MICAL2: variants seen among roughly 807,000 people sequenced by gnomAD.
MICAL2 encodes [F-actin]-monooxygenase MICAL2.
A neutral mutation model predicts 127.3 loss-of-function variants in MICAL2; 77 were observed. That is an observed-to-expected ratio of 0.60 (90% CI 0.50 to 0.73). The LOEUF is 0.73. Ranked by LOEUF, MICAL2 falls within the 30% of genes least tolerant of loss-of-function variation. The pLI is 0.00. For synonymous variants in MICAL2, 570 were observed against 551.1 expected, an observed-to-expected ratio of 1.03 and a Z score of -0.48; for missense variants, 1,351 against 1,434.4, an observed-to-expected ratio of 0.94 and a Z score of 0.94.
In MICAL2 at chr11:12,255,708, G is replaced by A; in HGVS notation, c.2913G>A (p.Met971Ile). The change falls in exon 23 of 28, where the codon ATG becomes ATA. Residue 971 changes from methionine to isoleucine, a missense_variant. Physicochemically the swap from Met to Ile is conservative, Grantham distance 10. Transcript: ENST00000683283. Reference protein sequence around the residue: ...AAAEVLVNLYMNDHRPKAQAT... With the variant: ...AAAEVLVNLYINDHRPKAQAT... ...CTGAAGTCCTGGTCAATCTGTACAT[G>A]AATGATCACAGACCTAAGGCCCAGG... 1 of 1,614,108 alleles carries A rather than the reference G, an allele frequency of 6.2e-7. No individual in the cohort carries two copies.
chr11:12,198,267 G>T (rs1317316229), intron 3 of MICAL2, among the ~76,000 whole-genome samples: 2 of 152,218 alleles, frequency 1.3e-5, no homozygotes, highest in South Asian at 4.1e-4. Context: ...GCCTAATTCA[G>T]GGTTACTGTA....
At chr11:12,189,280 C>T (rs1027483940) in intron 3 of MICAL2, among the ~76,000 whole-genome samples, 1 of 152,172 alleles carries the variant, frequency 6.6e-6, no homozygotes, top group Non-Finnish European at 1.5e-5. Flanking sequence ...TTCTCTTGCT[C>T]AGGAACCTTG....
rs144051996 is a variant in MICAL2, at chr11:12,173,506, A to C, written c.264+11087A>C. 2.6e-3 allele frequency among the ~76,000 whole-genome samples: 401 copies of C among 152,344 alleles called. 1 individual carries two copies. The highest frequency in any genetic ancestry group is 4.0e-3 in the Non-Finnish European group (270 of 68,038). On this transcript the variant is annotated intron_variant, in intron 3 of 27. Transcript: ENST00000683283. ...CTTGCATTTACTCTTTGCCCCTGGC[A>C]TTCCCAATGTGTCTTTTTAAATTGT...
chr11:12,349,859 C>G, exon 33 of MICAL2: 1 of 1,614,088 alleles, frequency 6.2e-7, no homozygotes, highest in Non-Finnish European at 8.5e-7. Flanking sequence ...CAGGATGAAG[C>G]ACAGCTTTTG....
upstream of MICAL2, among the ~76,000 whole-genome samples, chr11:12,274,070 C>T (rs1254515582): frequency 4.6e-5 from 7 of 152,036 alleles, no homozygotes; most frequent in African/African-American, 7.2e-5. Flanking sequence ...TTTCTTAAGA[C>T]AGGAGACTTT....
chr11:12,224,173 C>G (rs1246660021), intron 12 of MICAL2, among the ~76,000 whole-genome samples: 1 of 152,224 alleles, frequency 6.6e-6, no homozygotes, highest in South Asian at 2.1e-4. Flanking sequence ...AGCCACCACA[C>G]AGTCCTTTCT....
At chr11:12,255,959 C>T (rs1036300269) in intron 23 of MICAL2, 4 of 511,030 alleles carry the variant, frequency 7.8e-6, no homozygotes, top group Non-Finnish European at 1.4e-5. Flanking sequence ...CCCCTGTGGT[C>T]TTTTTGAAAA....
At chr11:12,197,967 G>C (rs1166664844) in intron 3 of MICAL2, among the ~76,000 whole-genome samples, 1 of 152,214 alleles carries the variant, frequency 6.6e-6, no homozygotes, top group Non-Finnish European at 1.5e-5. Flanking sequence ...TAAGTGGTGT[G>C]TAATTGTTAC....
chr11:12,232,595 A>C (rs1410394911), intron 15 of MICAL2, among the ~76,000 whole-genome samples: 2 of 152,088 alleles, frequency 1.3e-5, no homozygotes, highest in African/African-American at 4.8e-5. Context: ...GGTGGTGCAC[A>C]CCAGTAGTCC....
At position 12,241,146 on chromosome 11, in the gene MICAL2, C is replaced by G; in HGVS notation, c.2321C>G (p.Pro774Arg). 1.2e-6 allele frequency: 2 copies of G among 1,613,978 alleles called. No individual in the cohort carries two copies. The highest frequency in any genetic ancestry group is 2.2e-5 in the East Asian group (1 of 44,872). ...KPEEATPSPS[P>R]PLKRQFPSVV... ...GAGGAGGCCACACCCAGCCCATCAC[C>G]TCCTCTGAAAAGGCAGGTAGGGCTC... The change falls in exon 18 of 28, where the codon CCT becomes CGT. Residue 774 changes from proline to arginine, a missense_variant. Pro to Arg is a moderately radical substitution (Grantham distance 103, BLOSUM62 -2). Around this residue, in one of 2 missense-constraint regions of MICAL2, gnomAD observed 752 missense variants for 719.4 expected, o/e 1.05. Coordinates refer to ENST00000683283, the MANE Select transcript of MICAL2 (RefSeq NM_001282663.2).
chr11:12,123,121 G>T (rs1434135782), intron 1 of MICAL2, among the ~76,000 whole-genome samples: 1 of 152,084 alleles, frequency 6.6e-6, no homozygotes, highest in African/African-American at 2.4e-5. Flanking sequence ...GAAAGAAAAA[G>T]AGCTGCCAAT....
chr11:12,281,129 T>G, intron 2 of MICAL2: 1 of 396,436 alleles, frequency 2.5e-6, no homozygotes, highest in Non-Finnish European at 4.4e-6. Context: ...GGCTTGATTC[T>G]GGGAAGTGGG....
chr11:12,238,898 G>C (rs1859479090), intron 16 of MICAL2, among the ~76,000 whole-genome samples: 1 of 152,128 alleles, frequency 6.6e-6, no homozygotes, highest in African/African-American at 2.4e-5. Context: ...AGCAAAAATA[G>C]AGCAGGGCTG....
intron 29 of MICAL2, among the ~76,000 whole-genome samples, chr11:12,299,166 G>T (rs1404805525): frequency 6.6e-6 from 1 of 152,204 alleles, no homozygotes; most frequent in Non-Finnish European, 1.5e-5. Context: ...AGTAGTGCCT[G>T]CACCTATTTC....
At chr11:12,259,723 G>T (rs1862842148) in intron 25 of MICAL2, 72 bp from the exon 26 acceptor site, 4 of 1,355,934 alleles carry the variant, frequency 3.0e-6, no homozygotes, top group African/African-American at 1.5e-5. Context: ...GTTTGTATTG[G>T]CTGTTGGCTT....
At chr11:12,137,596 A>T (rs1189669609) in intron 1 of MICAL2, among the ~76,000 whole-genome samples, 3 of 151,392 alleles carry the variant, frequency 2.0e-5, no homozygotes, top group South Asian at 2.1e-4. Flanking sequence ...AGAGAGAGAG[A>T]GTGTGTGTGT....
downstream of MICAL2, among the ~76,000 whole-genome samples, chr11:12,266,443 GA>G (rs558868596): frequency 7.3e-5 from 11 of 150,406 alleles, no homozygotes; most frequent in Admixed American, 2.0e-4. Flanking sequence ...TACAACTTAA[GA>G]AAAAAAAAGG....
At chr11:12,125,062 T>C (rs1360005802) in intron 1 of MICAL2, among the ~76,000 whole-genome samples, 1 of 152,236 alleles carries the variant, frequency 6.6e-6, no homozygotes, top group Admixed American at 6.5e-5. Flanking sequence ...CTTTAGCCAC[T>C]GGGGCTTCCT....
At chr11:12,333,851 T>A (rs1938695220) in intron 32 of MICAL2, among the ~76,000 whole-genome samples, 1 of 152,162 alleles carries the variant, frequency 6.6e-6, no homozygotes. Context: ...ATTTTAATAC[T>A]TTTCTGAAAG....
Sources: gnomAD v4.1 joint callset for allele counts (sites outside exome capture counted in the v4.1 genomes callset) on GRCh38, gnomAD v4.1.1 for gene constraint, gnomAD v4.1.1 regional missense constraint, MANE v1.5 for transcripts, NCBI Gene and HGNC (gene_info 2026-07-23, HGNC 2026-07-21) for gene names.